The following AFF2 variants were observed in gnomAD, a reference collection of about 807,000 sequenced individuals.
AFF2 encodes AF4/FMR2 family member 2.
Under a neutral mutation model 76.9 loss-of-function variants are expected in AFF2, and 14 were observed. The observed-to-expected ratio is 0.18, with a 90% CI of 0.12 to 0.28. The LOEUF (loss-of-function observed/expected upper bound fraction) is 0.28. Among genes scored for constraint, AFF2 ranks in the 10% least tolerant of loss-of-function variants. AFF2 has a pLI of 1.00. For synonymous variants in AFF2, 398 were observed against 366.7 expected (o/e 1.09, Z -0.98); for missense variants, 868 against 1,001.1 (o/e 0.87, Z 1.79).
At chrX:148,614,717 C>CTTTCTTTCTTTCTTTT (rs1557249978) in intron 1 of AFF2, among the ~76,000 whole-genome samples, 9 of 47,694 alleles carry the variant, frequency 1.9e-4, no homozygotes, top group African/African-American at 7.5e-4. Context: ...TTCTTTCTTT[C>CTTTCTTTCTTTCTTTT]TTTCTTTCTT....
At chrX:148,752,241 C>G (rs1333420915) in intron 3 of AFF2, among the ~76,000 whole-genome samples, 1 of 111,928 alleles carries the variant, frequency 8.9e-6, no homozygotes, top group African/African-American at 3.2e-5. Flanking sequence ...TGCTAATAAT[C>G]GACTCTACCT....
chrX:148,890,579 TC>T (rs782361281), intron 8 of AFF2, among the ~76,000 whole-genome samples: 1 of 112,291 alleles, frequency 8.9e-6, no homozygotes, highest in South Asian at 3.7e-4. Context: ...ACCTTAACTT[TC>T]CTTTAAGCCC....
chrX:148,952,081 T>C (rs782451303), intron 9 of AFF2, among the ~76,000 whole-genome samples: 16 of 110,852 alleles, frequency 1.4e-4, no homozygotes, highest in Admixed American at 1.1e-3. Context: ...GAGGAGCCTG[T>C]GCTGGCTTTG....
intron 9 of AFF2, among the ~76,000 whole-genome samples, chrX:148,923,778 A>G (rs1569557144): frequency 8.9e-6 from 1 of 111,929 alleles, no homozygotes; most frequent in Non-Finnish European, 1.9e-5. Flanking sequence ...GGGAATCCAC[A>G]GTGTACCAAA....
intron 19 of AFF2, 142 bp downstream of exon 19, chrX:148,980,932 G>A (rs41299106): frequency 0.017 from 6,294 of 366,313 alleles, 55 homozygotes; most frequent in Non-Finnish European, 0.02. Context: ...GCCAGGCTTC[G>A]GCTAATGGCA....
In AFF2 at chrX:148,612,784, C is replaced by G. The variant is rs782041166; in HGVS notation, c.48-39215C>G. ...TTGTGATCCAATTGGTGAAATTTCC[C>G]AAGTGCTTTTGAGACCTTGGAGAAT... On this transcript the variant is annotated intron_variant, in intron 1 of 20. Coordinates refer to ENST00000370460, the MANE Select transcript of AFF2 (RefSeq NM_002025.4). Among the ~76,000 whole-genome samples the G allele has an allele frequency of 4.5e-5, 5 of 112,021 alleles. No homozygotes were observed. The Admixed American group carries it at 4.7e-4, about 11-fold the overall frequency.
chrX:148,826,075 T>C (rs1478782040), intron 4 of AFF2, among the ~76,000 whole-genome samples: 1 of 110,105 alleles, frequency 9.1e-6, no homozygotes, highest in African/African-American at 3.3e-5. Context: ...TTGAATCTTC[T>C]ATTTGGTGCT....
chrX:148,788,876 G>T (rs1291622470), intron 3 of AFF2, among the ~76,000 whole-genome samples: 1 of 111,972 alleles, frequency 8.9e-6, no homozygotes, highest in Non-Finnish European at 1.9e-5. Context: ...ATGAGCATCA[G>T]TTGCAAGCCT....
chrX:148,504,690 G>A (rs953561595), intron 1 of AFF2, among the ~76,000 whole-genome samples: 2 of 113,103 alleles, frequency 1.8e-5, no homozygotes, highest in African/African-American at 6.4e-5. Context: ...CCAGCAGTCC[G>A]AACTGCACTT....
chrX:148,521,374 GCACA>G (rs781978355), intron 1 of AFF2, among the ~76,000 whole-genome samples: 58 of 90,903 alleles, frequency 6.4e-4, no homozygotes, highest in Admixed American at 1.1e-3. Context: ...GCACGTGCAT[GCACA>G]CACACACACA....
At chrX:148,896,207 G>A (rs2071282909) in intron 8 of AFF2, among the ~76,000 whole-genome samples, 1 of 111,608 alleles carries the variant, frequency 9.0e-6, no homozygotes, top group Non-Finnish European at 1.9e-5. Context: ...ATGAAATGAG[G>A]GGAAGGGCAC....
At chrX:148,664,977 T>C (rs924139382) in intron 3 of AFF2, among the ~76,000 whole-genome samples, 2 of 112,254 alleles carry the variant, frequency 1.8e-5, no homozygotes, top group Admixed American at 9.5e-5. Context: ...GAGATCTGCT[T>C]TGAAAAAGTA....
At chrX:148,890,988 A>G (rs1442280) in intron 8 of AFF2, among the ~76,000 whole-genome samples, 16 of 112,381 alleles carry the variant, frequency 1.4e-4, no homozygotes, top group African/African-American at 4.9e-4. Flanking sequence ...TATCAATGGC[A>G]TGGTTGAGAT....
At chrX:148,772,357 G>A (rs1373036842) in intron 3 of AFF2, among the ~76,000 whole-genome samples, 3 of 111,873 alleles carry the variant, frequency 2.7e-5, no homozygotes, top group Non-Finnish European at 5.6e-5. Flanking sequence ...ATGAAGAAAG[G>A]ATTATAGAGG....
chrX:148,622,318 T>C (rs1309389900), intron 1 of AFF2, among the ~76,000 whole-genome samples: 1 of 111,715 alleles, frequency 9.0e-6, no homozygotes, highest in East Asian at 2.9e-4. Context: ...TTGTGGGAGT[T>C]GGCACATCTG....
chrX:148,623,022 G>A (rs1557251469), intron 1 of AFF2, among the ~76,000 whole-genome samples: 10 of 111,769 alleles, frequency 8.9e-5, no homozygotes, highest in Non-Finnish European at 1.9e-5. Context: ...AACAATTCAG[G>A]TGCAGTGTGT....
chrX:148,861,209 G>A (rs781966296), intron 7 of AFF2, among the ~76,000 whole-genome samples: 132 of 111,464 alleles, frequency 1.2e-3, no homozygotes, highest in African/African-American at 4.2e-3. Flanking sequence ...ATTAATATCA[G>A]ACAACTTTCC....
At chrX:148,527,418 GATCTTGGAC>G (rs2052674432) in intron 1 of AFF2, among the ~76,000 whole-genome samples, 2 of 112,128 alleles carry the variant, frequency 1.8e-5, no homozygotes, top group African/African-American at 6.5e-5. Context: ...ATTTAGATTG[GATCTTGGAC>G]CCTTTCTTTC....
intron 9 of AFF2, among the ~76,000 whole-genome samples, chrX:148,926,796 T>C (rs915087875): frequency 2.7e-5 from 3 of 112,160 alleles, no homozygotes; most frequent in African/African-American, 9.7e-5. Flanking sequence ...TCGTTGATTT[T>C]CGTCAATAAA....
Sources: gnomAD v4.1 joint callset for allele counts (sites outside exome capture counted in the v4.1 genomes callset) on GRCh38, gnomAD v4.1.1 for gene constraint, MANE v1.5 for transcripts, NCBI Gene and HGNC (gene_info 2026-07-23, HGNC 2026-07-21) for gene names.